The following NREP variants were observed in gnomAD, a reference collection of about 807,000 sequenced individuals.
NREP encodes the protein neuronal regeneration related protein.
Under a neutral mutation model 8.6 loss-of-function variants are expected in NREP, and 5 were observed. The observed-to-expected ratio is 0.58, with a 90% CI of 0.30 to 1.22. NREP has a LOEUF of 1.22. Ranked by LOEUF, NREP falls within the 50% of genes most tolerant of loss-of-function variation. The pLI is 0.07. For missense variants in NREP, 86 were observed against 82.5 expected (o/e 1.04, Z -0.17); for synonymous variants, 27 against 28.0 (o/e 0.96, Z 0.11).
At chr5:111,793,539 G>A (rs1252686076) in intron 2 of NREP, among the ~76,000 whole-genome samples, 1 of 152,098 alleles carries the variant, frequency 6.6e-6, no homozygotes, top group African/African-American at 2.4e-5. Context: ...CACCCACATT[G>A]GTGAGGGTGG....
chr5:111,946,245 A>G (rs1475035732), intron 2 of NREP, among the ~76,000 whole-genome samples: 1 of 151,516 alleles, frequency 6.6e-6, no homozygotes, highest in Non-Finnish European at 1.5e-5. Context: ...AAAAAAAAAA[A>G]TGGGCATAGA....
intron 3 of NREP, 83 bp downstream of exon 3, chr5:111,735,347 T>TG (rs1749004634): frequency 4.3e-6 from 4 of 921,996 alleles, no homozygotes; most frequent in Non-Finnish European, 7.0e-6. Context: ...TAATGGGTAT[T>TG]CAAATGAAAA....
chr5:111,815,392 A>C (rs188176863), intron 2 of NREP, among the ~76,000 whole-genome samples: 192 of 152,302 alleles, frequency 1.3e-3, no homozygotes, highest in African/African-American at 4.4e-3. Context: ...ATTTTCTCTG[A>C]TGAGGTATAA....
intron 2 of NREP, among the ~76,000 whole-genome samples, chr5:111,896,701 C>A (rs1255527949): frequency 6.6e-6 from 1 of 152,176 alleles, no homozygotes; most frequent in African/African-American, 2.4e-5. Context: ...GCCTCGTTTA[C>A]TCTCAATTAA....
Position 111,798,751 on chromosome 5 carries a change from GTGTGTGTGTGTGTGTGTGTGTGTGTA to G in NREP, c.136-63270_136-63245del, listed in dbSNP as rs1358114306. Among the ~76,000 whole-genome samples the G allele has an allele frequency of 5.6e-3, 441 of 78,056 alleles. 1 individual carries two copies. Among genetic ancestry groups the G allele is most frequent in the African/African-American group, 0.022 (423 of 18,884 alleles). The allele number at this position is 78,056 out of a possible 152,430, so 51.2% of individuals were successfully genotyped here. On this transcript the variant is annotated intron_variant, in intron 2 of 3. Transcript: ENST00000395634. The stretch of plus-strand genomic sequence containing the variant: ...TATTCCATGGTGTGTGTGTGTGTGT[GTGTGTGTGTGTGTGTGTGTGTGTGTA>G]TGTGTGTGTGTATACATATATATCA...
chr5:111,953,388 A>C (rs1397127437), intron 2 of NREP, among the ~76,000 whole-genome samples: 1 of 152,088 alleles, frequency 6.6e-6, no homozygotes, highest in Non-Finnish European at 1.5e-5. Flanking sequence ...GAACCCTCTG[A>C]GGCTATAACT....
intron 2 of NREP, among the ~76,000 whole-genome samples, chr5:111,949,611 G>T (rs1003430738): frequency 4.6e-5 from 7 of 152,008 alleles, no homozygotes; most frequent in Non-Finnish European, 8.8e-5. Context: ...CCTGGTGTGT[G>T]ATGTTCCCCT....
rs1279950926 is a variant in NREP at position 111,753,340 on chromosome 5, A to G, written c.3+2430T>C. Reference sequence around the variant, plus strand: ...CTGCACAAGTTGATTTTATATATATATATATATATATATGTATATATATAT... The same window carrying G: ...CTGCACAAGTTGATTTTATATATATGTATATATATATATGTATATATATAT... On this transcript the variant is annotated intron_variant, in intron 2 of 3. Coordinates refer to ENST00000257435, the MANE Select transcript of NREP (RefSeq NM_004772.4). Among the ~76,000 whole-genome samples the G allele has an allele frequency of 2.7e-5, 4 of 147,298 alleles. No individual in the cohort carries two copies. In the East Asian group the frequency reaches 7.8e-4, roughly 29 times the overall value.
intron 2 of NREP, among the ~76,000 whole-genome samples, chr5:111,870,926 C>G (rs982951453): frequency 7.9e-5 from 12 of 152,100 alleles, no homozygotes; most frequent in African/African-American, 2.9e-4. Flanking sequence ...AGAACTAGTA[C>G]AGTGTAAATT....
At chr5:111,946,841 C>T (rs34307202) in intron 2 of NREP, among the ~76,000 whole-genome samples, 18,716 of 152,006 alleles carry the variant, frequency 0.12, 1,616 homozygotes, top group Non-Finnish European at 0.17. Flanking sequence ...CAAGAGCAGC[C>T]ACATCTTCCT....
chr5:111,948,626 C>T (rs1412020740), intron 2 of NREP, among the ~76,000 whole-genome samples: 1 of 152,086 alleles, frequency 6.6e-6, no homozygotes, highest in Non-Finnish European at 1.5e-5. Flanking sequence ...TTGTCCAAGA[C>T]ATGCCTTTAT....
chr5:111,952,274 C>T (rs908817444), intron 2 of NREP, among the ~76,000 whole-genome samples: 1 of 152,090 alleles, frequency 6.6e-6, no homozygotes, highest in African/African-American at 2.4e-5. Context: ...CTAAGGCCAG[C>T]CAGTTAGGCA....
At chr5:111,916,793 G>T (rs769261229) in intron 2 of NREP, among the ~76,000 whole-genome samples, 1 of 152,092 alleles carries the variant, frequency 6.6e-6, no homozygotes, top group Non-Finnish European at 1.5e-5. Flanking sequence ...TAGGGGTTGT[G>T]ACAAATATCT....
At position 111,820,028 on chromosome 5, in the gene NREP, T is replaced by C. The variant is rs536267149; in HGVS notation, c.136-84521A>G. 9.4e-4 allele frequency among the ~76,000 whole-genome samples: 143 copies of C among 152,206 alleles called. 1 individual carries two copies. The highest frequency in any genetic ancestry group is 3.4e-3 in the African/African-American group (141 of 41,530). On this transcript the variant is annotated intron_variant, in intron 2 of 3. Transcript: ENST00000395634. ...AAACTTTAGTCAGATTTTTGAGCTCTCCTCTCAACTAGATCTCCACCTAGG... is the reference window on the plus strand; with the variant it reads ...AAACTTTAGTCAGATTTTTGAGCTCCCCTCTCAACTAGATCTCCACCTAGG...
At chr5:111,969,886 C>G (rs1455499797) in intron 2 of NREP, among the ~76,000 whole-genome samples, 1 of 152,106 alleles carries the variant, frequency 6.6e-6, no homozygotes, top group Non-Finnish European at 1.5e-5. Context: ...AGGGTGGGGA[C>G]TAGTGAAGGA....
intron 2 of NREP, among the ~76,000 whole-genome samples, chr5:111,869,901 T>C (rs1753750590): frequency 6.6e-6 from 1 of 152,202 alleles, no homozygotes; most frequent in Non-Finnish European, 1.5e-5. Flanking sequence ...AATATGTATC[T>C]GCAGCTGAGT....
intron 2 of NREP, among the ~76,000 whole-genome samples, chr5:111,952,142 T>C (rs73225644): frequency 0.1 from 15,192 of 152,100 alleles, 1,167 homozygotes; most frequent in African/African-American, 0.21. Flanking sequence ...CAACTAAGTG[T>C]TTTCCCAGAA....
At chr5:111,781,312 C>G (rs182937133) in intron 2 of NREP, among the ~76,000 whole-genome samples, 57 of 152,262 alleles carry the variant, frequency 3.7e-4, no homozygotes, top group African/African-American at 1.3e-3. Flanking sequence ...TCTCACGATG[C>G]CTGCTCTTCG....
intron 2 of NREP, among the ~76,000 whole-genome samples, chr5:111,850,994 T>C (rs1753293042): frequency 6.6e-6 from 1 of 152,260 alleles, no homozygotes; most frequent in Admixed American, 6.5e-5. Flanking sequence ...AGAATTCACA[T>C]CTGGAGGTTA....
Sources: gnomAD v4.1 joint callset for allele counts (sites outside exome capture counted in the v4.1 genomes callset) on GRCh38, gnomAD v4.1.1 for gene constraint, MANE v1.5 for transcripts, NCBI Gene and HGNC (gene_info 2026-07-23, HGNC 2026-07-21) for gene names.